PUM1: variants seen among roughly 807,000 people sequenced by gnomAD.
PUM1 encodes pumilio RNA binding family member 1, also known as pumilio homolog 1.
Under a neutral mutation model 131.8 loss-of-function variants are expected in PUM1, and 13 were observed. The observed-to-expected ratio is 0.10, with a 90% CI of 0.06 to 0.16. PUM1 has a LOEUF of 0.16. Among genes scored for constraint, PUM1 ranks in the 10% least tolerant of loss-of-function variants. The pLI, the probability that PUM1 is intolerant of heterozygous loss-of-function variation, is 1.00. For missense variants in PUM1, 961 were observed against 1,512.4 expected (o/e 0.64, Z 6.05); for synonymous variants, 509 against 556.5 (o/e 0.91, Z 1.20).
chr1:31,031,594 T>C lies in PUM1; in HGVS notation c.364-2730A>G, dbSNP rs531254844. On this transcript the variant is annotated intron_variant, in intron 2 of 21. Coordinates refer to ENST00000426105, the MANE Select transcript of PUM1 (RefSeq NM_001020658.2). ...TCTTCCCATTTAAAGTTCAAGGCCC[T>C]TTCTGTACCACCAAGCTGCCCCCTG... Among the ~76,000 whole-genome samples, 3 of 152,208 alleles carry C rather than the reference T, an allele frequency of 2.0e-5. No homozygotes were observed. In the East Asian group the frequency reaches 5.8e-4, roughly 29 times the overall value.
At chr1:31,021,804 G>A (rs141298210) in intron 3 of PUM1, among the ~76,000 whole-genome samples, 1 of 152,114 alleles carries the variant, frequency 6.6e-6, no homozygotes, top group Non-Finnish European at 1.5e-5. Context: ...TAGGGGAGCT[G>A]ATATCTGAAG....
chr1:31,014,320 AAAAT>A, intron 3 of PUM1, among the ~76,000 whole-genome samples: 1 of 150,638 alleles, frequency 6.6e-6, no homozygotes, highest in Non-Finnish European at 1.5e-5. Context: ...AAAAAAAAAA[AAAAT>A]CTACATTCAA....
chr1:31,061,655 C>T (rs1386165585), intron 1 of PUM1: 2 of 151,600 alleles, frequency 1.3e-5, no homozygotes, highest in Non-Finnish European at 2.9e-5. Flanking sequence ...AAGAAAGCCT[C>T]ACTATACAAA....
At chr1:31,031,164 A>T (rs536472734) in intron 2 of PUM1, among the ~76,000 whole-genome samples, 1 of 152,212 alleles carries the variant, frequency 6.6e-6, no homozygotes, top group South Asian at 2.1e-4. Context: ...TACACGTTAT[A>T]TGAAATGATA....
intron 4 of PUM1, 80 bp from the exon 5 acceptor site, chr1:31,006,111 A>G (rs1642393888): frequency 3.1e-6 from 4 of 1,288,628 alleles, no homozygotes; most frequent in Non-Finnish European, 4.2e-6. Context: ...TGGATAACCA[A>G]TGGAATCAGG....
At chr1:31,038,986 T>TATATATATATATATATATATATATATA (rs1557599381) in intron 2 of PUM1, among the ~76,000 whole-genome samples, 1 of 27,468 alleles carries the variant, frequency 3.6e-5, no homozygotes, top group African/African-American at 3.5e-4. Flanking sequence ...ATATATATAT[T>TATATATATATATATATATATATATATA]TTTTTTTTTT....
chr1:31,000,698 C>T lies in PUM1; in HGVS notation c.720+5155G>A, dbSNP rs187517729. On this transcript the variant is annotated intron_variant, in intron 5 of 21. Coordinates refer to ENST00000426105, the MANE Select transcript of PUM1 (RefSeq NM_001020658.2). ...ATTTAATGGGATTAGTCATTTTCCT[C>T]CCTTCTTTCTACAAAGTATTTTATA... Among the ~76,000 whole-genome samples the T allele has an allele frequency of 1.1e-4, 17 of 152,292 alleles. No individual in the cohort carries two copies. The East Asian group carries it at 1.3e-3, about 12-fold the overall frequency.
chr1:31,059,642 TAAAAACATGAACCCC>T (rs1450173549), intron 1 of PUM1, 65 bp from the exon 2 acceptor site: 3 of 1,497,242 alleles, frequency 2.0e-6, no homozygotes, highest in Admixed American at 2.2e-5. Flanking sequence ...CACACTAAGA[TAAAAACATGAACCCC>T]ATGTCTTTTA....
intron 3 of PUM1, among the ~76,000 whole-genome samples, chr1:31,025,400 A>T (rs905257183): frequency 8.5e-5 from 13 of 152,130 alleles, no homozygotes; most frequent in African/African-American, 2.7e-4. Context: ...ATTTACCCTA[A>T]TGACTCACAC....
At chr1:31,064,613 C>T (rs1644439917) in intron 1 of PUM1, among the ~76,000 whole-genome samples, 1 of 151,904 alleles carries the variant, frequency 6.6e-6, no homozygotes, top group South Asian at 2.1e-4. Flanking sequence ...CTTAATTAAT[C>T]CCAGTAATAA....
At chr1:30,972,592 G>A (rs555585085) in intron 10 of PUM1, among the ~76,000 whole-genome samples, 4 of 150,240 alleles carry the variant, frequency 2.7e-5, no homozygotes, top group African/African-American at 9.8e-5. Context: ...TGGCCACCAT[G>A]GTGAAATCCC....
intron 2 of PUM1, among the ~76,000 whole-genome samples, chr1:31,057,422 A>G (rs937041359): frequency 6.9e-6 from 1 of 144,086 alleles, no homozygotes; most frequent in Non-Finnish European, 1.5e-5. Context: ...AAAAAAAAAA[A>G]GAAAAAGAAA....
rs543285579 is a variant in PUM1 at position 30,981,137 on chromosome 1, T to C, written c.1252+175A>G. Among the ~76,000 whole-genome samples the C allele has an allele frequency of 2.6e-5, 4 of 152,232 alleles. No homozygotes were observed. In the South Asian group the frequency reaches 8.3e-4, roughly 31 times the overall value. ...TGTTATGATGCGGGTCTACAAGCTA[T>C]GTCAAAACTAATGTGGCTGGAGACA... is the stretch of plus-strand genomic sequence containing the variant. On this transcript the variant is annotated intron_variant, in intron 8 of 21. Transcript: ENST00000426105.
chr1:31,040,448 T>A (rs866044713), intron 2 of PUM1, among the ~76,000 whole-genome samples: 5 of 152,002 alleles, frequency 3.3e-5, no homozygotes, highest in South Asian at 2.1e-4. Context: ...GCCAGGTAAA[T>A]GAAGAAGGTA....
At chr1:30,949,059 A>T (rs1404832237) in intron 17 of PUM1, 1 of 453,384 alleles carries the variant, frequency 2.2e-6, no homozygotes, top group African/African-American at 2.0e-5. Flanking sequence ...TGCCACTGCC[A>T]ACACCAGTGC....
At chr1:31,062,279 C>T (rs567439097) in intron 1 of PUM1, among the ~76,000 whole-genome samples, 9 of 152,274 alleles carry the variant, frequency 5.9e-5, no homozygotes, top group Admixed American at 3.3e-4. Flanking sequence ...CCAAAAACTG[C>T]ATCTGTACTT....
At chr1:30,947,966 C>T (rs1319615781) in intron 17 of PUM1, among the ~76,000 whole-genome samples, 1 of 151,692 alleles carries the variant, frequency 6.6e-6, no homozygotes, top group Non-Finnish European at 1.5e-5. Flanking sequence ...AGCGATCCTC[C>T]TGCCTTAGCA....
At position 30,974,530 on chromosome 1, in the gene PUM1, T is replaced by C. The variant is rs2124458476; in HGVS notation, c.1506+121A>G. On this transcript the variant is annotated intron_variant, in intron 10 of 21. Transcript: ENST00000426105. Reference sequence around the variant, plus strand: ...CTGAGCCTGAACTCAGACACACATATATACACACAAGAGGAAATTCATGCA... The same window carrying C: ...CTGAGCCTGAACTCAGACACACATACATACACACAAGAGGAAATTCATGCA... The C allele has an allele frequency of 4.1e-6, 4 of 981,660 alleles. No homozygotes were observed. The South Asian group carries it at 6.9e-5, about 17-fold the overall frequency. 60.8% of individuals were successfully genotyped at this position (981,660 alleles called of 1,614,324 possible).
At position 30,933,238 on chromosome 1, in the gene PUM1, G is replaced by A. The variant is rs1422626159; in HGVS notation, c.3540C>T (p.Ile1180=). Residue 1180 remains isoleucine (I), a synonymous_variant, in exon 22 of 22, where the codon ATC becomes ATT. Transcript: ENST00000426105. Reference sequence around the variant, plus strand: ...AGATGATACCATTAGGGGGGCCACAGATGGGCCCTAAGTCAACACCGTTCT... The same window carrying A: ...AGATGATACCATTAGGGGGGCCACAAATGGGCCCTAAGTCAACACCGTTCT... ...YMKNGVDLGP[I]CGPPNGII 3 of 1,613,576 alleles carry A rather than the reference G, an allele frequency of 1.9e-6. No homozygotes were observed. The highest frequency in any genetic ancestry group is 1.1e-5 in the South Asian group (1 of 91,020).
Sources: gnomAD v4.1 joint callset for allele counts (sites outside exome capture counted in the v4.1 genomes callset) on GRCh38, gnomAD v4.1.1 for gene constraint, MANE v1.5 for transcripts, NCBI Gene and HGNC (gene_info 2026-07-23, HGNC 2026-07-21) for gene names.